UGT1A9: variants seen among roughly 807,000 people sequenced by gnomAD.
UGT1A9 encodes UDP-glucuronosyltransferase 1A9.
A neutral mutation model predicts 45.0 loss-of-function variants in UGT1A9; 35 were observed. The ratio of observed to expected loss-of-function variants is 0.78; its 90% confidence interval spans 0.59 to 1.03. The LOEUF (loss-of-function observed/expected upper bound fraction) is 1.03. UGT1A9 is among the 50% of genes least tolerant of loss of function. The probability of loss-of-function intolerance (pLI) is 0.00; values close to 1 mark genes in which losing one functional copy is unlikely to be tolerated. For synonymous variants in UGT1A9, 278 were observed against 250.6 expected (o/e 1.11, Z -1.03); for missense variants, 687 against 666.6 (o/e 1.03, Z -0.34).
intron 1 of UGT1A9, among the ~76,000 whole-genome samples, chr2:233,718,195 A>C (rs1455631272): frequency 6.6e-6 from 1 of 152,034 alleles, no homozygotes; most frequent in Non-Finnish European, 1.5e-5. Flanking sequence ...GCCTCCCCGG[A>C]GCTTTTTTTT....
rs368912757 is a variant in UGT1A9, at chr2:233,681,406, C to T, written c.855+8617C>T. ...AAAGTTAGCTGGGCATGGCAGCGTG[C>T]GCCTGTAATCCCAGCTACTGAGGCT... On this transcript the variant is annotated intron_variant, in intron 1 of 4. Coordinates refer to ENST00000354728, the MANE Select transcript of UGT1A9 (RefSeq NM_021027.3). 1.8e-4 allele frequency among the ~76,000 whole-genome samples: 28 copies of T among 151,766 alleles called. No homozygotes were observed. The South Asian group carries it at 5.2e-3, about 28-fold the overall frequency.
At chr2:233,764,280 C>T (rs917844974) in intron 1 of UGT1A9, among the ~76,000 whole-genome samples, 5 of 151,996 alleles carry the variant, frequency 3.3e-5, no homozygotes, top group African/African-American at 1.2e-4. Flanking sequence ...TTGGTCATTC[C>T]GGTAACTGTG....
Position 233,672,094 on chromosome 2 carries a change from G to A in UGT1A9, c.160G>A (p.Glu54Lys), listed in dbSNP as rs1173036460. 1.9e-6 allele frequency: 3 copies of A among 1,614,194 alleles called. No individual in the cohort carries two copies. The highest frequency in any genetic ancestry group is 8.5e-7 in the Non-Finnish European group (1 of 1,180,014). Residue 54 changes from glutamate to lysine, a missense_variant, in exon 1 of 5, where the codon GAG becomes AAG. Glu to Lys is a moderately conservative substitution (Grantham distance 56). Transcript: ENST00000354728. ...GGAGAAACTCATTCTCAGGGGGCAT[G>A]AGGTGGTTGTAGTCATGCCAGAGGT... ...VVEKLILRGH[E>K]VVVVMPEVSW... is the part of the protein sequence containing the mutation.
At chr2:233,674,415 TGTA>T (rs753049248) in intron 1 of UGT1A9, among the ~76,000 whole-genome samples, 3 of 152,116 alleles carry the variant, frequency 2.0e-5, no homozygotes, top group Non-Finnish European at 4.4e-5. Context: ...CTCCATTAAT[TGTA>T]GTAACAGGCA....
intron 1 of UGT1A9, chr2:233,760,195 C>T (rs2125980169): frequency 6.4e-7 from 1 of 1,574,430 alleles, no homozygotes; most frequent in Admixed American, 1.7e-5. Context: ...TCACGTGACA[C>T]AGTCAAACAT....
intron 1 of UGT1A9, among the ~76,000 whole-genome samples, chr2:233,757,461 C>T (rs181439880): frequency 5.8e-4 from 87 of 149,574 alleles, no homozygotes; most frequent in Non-Finnish European, 1.2e-3. Context: ...GTCCAGAGCG[C>T]TTACTGTCTC....
intron 1 of UGT1A9, chr2:233,691,054 G>T: frequency 4.1e-6 from 4 of 987,462 alleles, no homozygotes; most frequent in Non-Finnish European, 4.8e-6. Flanking sequence ...GCAGAGTGGA[G>T]GTCTAGTATA....
At chr2:233,707,141 G>A (rs1346403880) in intron 1 of UGT1A9, among the ~76,000 whole-genome samples, 2 of 152,124 alleles carry the variant, frequency 1.3e-5, no homozygotes, top group Admixed American at 1.3e-4. Context: ...TATCCCGGAG[G>A]TCACTGCAGT....
At chr2:233,711,717 G>A (rs2076193718) in intron 1 of UGT1A9, among the ~76,000 whole-genome samples, 1 of 152,198 alleles carries the variant, frequency 6.6e-6, no homozygotes, top group South Asian at 2.1e-4. Flanking sequence ...GGAAGCCTCA[G>A]CTTCACCAGC....
chr2:233,719,883 T>C (rs871514), intron 1 of UGT1A9, among the ~76,000 whole-genome samples: 81,602 of 151,974 alleles, frequency 0.54, 23,564 homozygotes, highest in African/African-American at 0.76. Context: ...GAGGCACGGA[T>C]GAGGGTCTGT....
chr2:233,759,396 C>T (rs1317272404), intron 1 of UGT1A9, among the ~76,000 whole-genome samples: 1 of 152,086 alleles, frequency 6.6e-6, no homozygotes, highest in African/African-American at 2.4e-5. Context: ...TCAGAGTAAC[C>T]GTGTGACCTG....
intron 1 of UGT1A9, among the ~76,000 whole-genome samples, chr2:233,703,747 C>A (rs2075751408): frequency 6.6e-6 from 1 of 151,954 alleles, no homozygotes. Context: ...TTTTAAATCT[C>A]AAATGTATCT....
intron 1 of UGT1A9, among the ~76,000 whole-genome samples, chr2:233,757,990 G>A (rs1696768799): frequency 6.6e-6 from 1 of 152,054 alleles, no homozygotes; most frequent in Non-Finnish European, 1.5e-5. Flanking sequence ...ACCATCCCCT[G>A]TAATTGCCTG....
intron 1 of UGT1A9, among the ~76,000 whole-genome samples, chr2:233,716,553 T>C (rs1004313369): frequency 1.3e-5 from 2 of 152,344 alleles, no homozygotes; most frequent in Middle Eastern, 3.4e-3. Flanking sequence ...CTTATATTCC[T>C]TTTTTCATTT....
chr2:233,754,116 G>C (rs1358690649), intron 1 of UGT1A9, among the ~76,000 whole-genome samples: 1 of 152,172 alleles, frequency 6.6e-6, no homozygotes, highest in Non-Finnish European at 1.5e-5. Flanking sequence ...TACATCACGA[G>C]CATTTATGTG....
At chr2:233,693,145 G>A (rs1469805529) in intron 1 of UGT1A9, 3 of 1,614,086 alleles carry the variant, frequency 1.9e-6, no homozygotes, top group African/African-American at 2.7e-5. Flanking sequence ...ATATAGTTGA[G>A]GTTCTCAGTG....
At chr2:233,736,574 T>G (rs2078777492) in intron 1 of UGT1A9, among the ~76,000 whole-genome samples, 2 of 152,254 alleles carry the variant, frequency 1.3e-5, no homozygotes, top group South Asian at 4.1e-4. Flanking sequence ...GCTGTGATCC[T>G]TTGGAGGAGA....
At chr2:233,746,604 C>T (rs901529128) in intron 1 of UGT1A9, among the ~76,000 whole-genome samples, 5 of 151,778 alleles carry the variant, frequency 3.3e-5, no homozygotes, top group Non-Finnish European at 5.9e-5. Flanking sequence ...TGTCTCTGTT[C>T]ACCTGACCCC....
intron 1 of UGT1A9, among the ~76,000 whole-genome samples, chr2:233,715,121 A>G (rs2076433568): frequency 6.6e-6 from 1 of 152,186 alleles, no homozygotes; most frequent in Non-Finnish European, 1.5e-5. Context: ...CCTGATCTCA[A>G]GTGATTCACT....
Sources: gnomAD v4.1 joint callset for allele counts (sites outside exome capture counted in the v4.1 genomes callset) on GRCh38, gnomAD v4.1.1 for gene constraint, MANE v1.5 for transcripts, NCBI Gene and HGNC (gene_info 2026-07-23, HGNC 2026-07-21) for gene names.